KDM2B: variants seen among roughly 807,000 people sequenced by gnomAD.
The protein encoded by KDM2B is lysine demethylase 2B, also known as lysine-specific demethylase 2B.
KDM2B carries 26 observed loss-of-function variants against 150.0 expected under a neutral mutation model. The observed-to-expected ratio is 0.17, with a 90% CI of 0.13 to 0.24. The LOEUF is 0.24. Among genes scored for constraint, KDM2B ranks in the 10% least tolerant of loss-of-function variants. KDM2B has a pLI of 1.00. For missense variants in KDM2B, 1,265 were observed against 1,816.9 expected, an observed-to-expected ratio of 0.70 and a Z score of 5.52; for synonymous variants, 734 against 729.5, an observed-to-expected ratio of 1.01 and a Z score of -0.10.
rs113757788 is a variant in KDM2B at position 121,575,033 on chromosome 12, G to GA, written c.351-441dup. On this transcript the variant is annotated intron_variant, in intron 3 of 22. Coordinates refer to ENST00000377071, the MANE Select transcript of KDM2B (RefSeq NM_032590.5). This position sits in a 1 kb window ranked among gnomAD's most constrained non-coding sequence, Gnocchi z 4.4. ...GGACGGACCCCTTTAAGTTCAGAGG[G>GA]AAAAAAAGACACGCATTGTACTAGT... is the stretch of plus-strand genomic sequence containing the variant. Among the ~76,000 whole-genome samples, 9 of 152,186 alleles carry GA rather than the reference G, an allele frequency of 5.9e-5. No individual in the cohort carries two copies. The highest frequency in any genetic ancestry group is 1.7e-4 in the African/African-American group (7 of 41,536).
At chr12:121,440,695 T>C (rs1434095228) in intron 21 of KDM2B, 121 bp downstream of exon 21, 1 of 989,060 alleles carries the variant, frequency 1.0e-6, no homozygotes, top group African/African-American at 1.6e-5. Context: ...ACTGAGAACA[T>C]GGCAGCAGAG....
At chr12:121,443,074 G>T (rs782044470) in intron 17 of KDM2B, 44 bp from the exon 18 acceptor site, 2 of 1,575,088 alleles carry the variant, frequency 1.3e-6, no homozygotes, top group Non-Finnish European at 1.7e-6. Context: ...CCCCGGGCTC[G>T]TGGGATTTGG....
intron 13 of KDM2B, among the ~76,000 whole-genome samples, chr12:121,446,230 C>A (rs914818910): frequency 4.6e-5 from 7 of 152,212 alleles, no homozygotes; most frequent in Non-Finnish European, 1.0e-4. Context: ...CCCGTCTCTA[C>A]TAAAAATACA....
chr12:121,558,540 G>A (rs1890079219), intron 4 of KDM2B, among the ~76,000 whole-genome samples: 1 of 147,608 alleles, frequency 6.8e-6, no homozygotes, highest in African/African-American at 2.5e-5. Flanking sequence ...TGCAGCCTCC[G>A]CCTCTTGGGT....
intron 12 of KDM2B, among the ~76,000 whole-genome samples, chr12:121,454,124 C>G (rs1428778151): frequency 1.4e-4 from 21 of 151,838 alleles, no homozygotes; most frequent in African/African-American, 5.1e-4. Flanking sequence ...GCACTGGGTT[C>G]AGGGCCCCTC....
At chr12:121,556,606 T>G (rs1889917980) in intron 4 of KDM2B, among the ~76,000 whole-genome samples, 1 of 152,158 alleles carries the variant, frequency 6.6e-6, no homozygotes, top group South Asian at 2.1e-4. Context: ...ATCCCAGCAC[T>G]TTGGGAGGCC....
chr12:121,423,364 T>G, the KDM2B span: 1 of 1,580,184 alleles, frequency 6.3e-7, no homozygotes, highest in Middle Eastern at 1.8e-4. The surrounding 1 kb of genome is among the most constrained non-coding windows in gnomAD (Gnocchi z 4.3). Context: ...AGCCGAGGCC[T>G]TAGCTCTCTG....
rs1888835514 is a variant in KDM2B, at chr12:121,544,166, C to T, written c.683+4711G>A. 2.1e-5 allele frequency among the ~76,000 whole-genome samples: 3 copies of T among 145,928 alleles called. No homozygotes were observed. The South Asian group carries it at 6.8e-4, about 33-fold the overall frequency. ...AGGTACACACCTATAGTCCTAGCTA[C>T]TCAGGAGGCTGATGTAGGAGGATCA... On this transcript the variant is annotated intron_variant, in intron 6 of 22. Coordinates refer to ENST00000377071, the MANE Select transcript of KDM2B (RefSeq NM_032590.5).
chr12:121,502,760 C>CAAAA (rs3080029), intron 11 of KDM2B, among the ~76,000 whole-genome samples: 27 of 45,174 alleles, frequency 6.0e-4, no homozygotes, highest in South Asian at 1.8e-3. Flanking sequence ...CCATCTCTAC[C>CAAAA]AAAAAAAAAA....
At chr12:121,480,946 G>A (rs1226799224) in intron 12 of KDM2B, among the ~76,000 whole-genome samples, 1 of 87,312 alleles carries the variant, frequency 1.1e-5, no homozygotes, top group East Asian at 3.1e-4. Context: ...TTTTTTTTTT[G>A]AGATGGAGTC....
At chr12:121,503,964 G>A (rs782733743) in intron 11 of KDM2B, among the ~76,000 whole-genome samples, 43 of 152,236 alleles carry the variant, frequency 2.8e-4, no homozygotes, top group African/African-American at 8.4e-4. Flanking sequence ...CACACAGCGA[G>A]TAGCTAAGAG....
the KDM2B span, among the ~76,000 whole-genome samples, chr12:121,419,041 G>A: frequency 2.6e-5 from 4 of 152,134 alleles, no homozygotes; most frequent in African/African-American, 4.8e-5. Context: ...TAAATGCAGA[G>A]GGAAATTTGG....
At chr12:121,552,676 TAAA>T (rs5801436) in intron 4 of KDM2B, among the ~76,000 whole-genome samples, 4 of 131,840 alleles carry the variant, frequency 3.0e-5, no homozygotes, top group African/African-American at 2.9e-5. Context: ...CTGTCTTAAT[TAAA>T]AAAAAAAAAA....
At chr12:121,579,646 C>A in intron 1 of KDM2B, 1 of 1,348,080 alleles carries the variant, frequency 7.4e-7, no homozygotes, top group Non-Finnish European at 9.7e-7. Flanking sequence ...AGCGCGCGCG[C>A]ACACTCACTT....
intron 12 of KDM2B, among the ~76,000 whole-genome samples, chr12:121,489,526 GC>G (rs1477443966): frequency 6.6e-6 from 1 of 152,014 alleles, no homozygotes; most frequent in Non-Finnish European, 1.5e-5. Context: ...TGCAACCTCC[GC>G]CTCACAGGTT....
chr12:121,465,426 G>T (rs560696264), intron 12 of KDM2B, among the ~76,000 whole-genome samples: 6 of 152,282 alleles, frequency 3.9e-5, no homozygotes, highest in African/African-American at 9.6e-5. Context: ...TAGAGACAGG[G>T]TTTCACCATG....
intron 17 of KDM2B, 140 bp downstream of exon 17, chr12:121,443,540 C>T (rs1022537332): frequency 1.5e-5 from 10 of 653,464 alleles, no homozygotes; most frequent in Admixed American, 7.3e-5. Context: ...GCCAGAACCA[C>T]GAGCCAGAGA....
At chr12:121,567,155 G>A (rs1890761174) in intron 4 of KDM2B, among the ~76,000 whole-genome samples, 1 of 152,110 alleles carries the variant, frequency 6.6e-6, no homozygotes, top group African/African-American at 2.4e-5. Context: ...CCAAAGTGCT[G>A]GGATTACTGG....
In KDM2B at chr12:121,453,205, C is replaced by G. The variant is rs1555292038; in HGVS notation, c.1874G>C (p.Gly625Ala). 3 of 1,613,190 alleles carry G rather than the reference C, an allele frequency of 1.9e-6. No individual in the cohort carries two copies. Among genetic ancestry groups the G allele is most frequent in the Non-Finnish European group, 8.5e-7 (1 of 1,179,562 alleles). Residue 625 changes from glycine to alanine, a missense_variant, in exon 13 of 23, where the codon GGA (glycine) becomes GCA (alanine). By Grantham distance (60) the Gly-to-Ala change is moderately conservative (BLOSUM62 0). Transcript: ENST00000377071. This position sits in a 1 kb window ranked among gnomAD's most constrained non-coding sequence, Gnocchi z 6.4. ...CATGTCCTTGCAGAAGTGGCACTCT[C>G]CGCACTCGGTCCGCAGGCAGGCCTC... ...KCEACLRTEC[G>A]ECHFCKDMKK... is the part of the protein sequence containing the mutation.
Sources: allele counts gnomAD v4.1 joint callset (sites outside exome capture counted in the v4.1 genomes callset), GRCh38; gene constraint gnomAD v4.1.1; non-coding constraint Gnocchi (gnomAD v3.1); transcripts MANE v1.5; gene names NCBI Gene and HGNC (gene_info 2026-07-23, HGNC 2026-07-21).